Variants in TSHR observed in about 807,000 individuals in gnomAD.
The protein encoded by TSHR is thyroid stimulating hormone receptor.
A neutral mutation model predicts 64.1 loss-of-function variants in TSHR; 51 were observed. That is an observed-to-expected ratio of 0.80 (90% confidence interval 0.64 to 1.01). TSHR has a LOEUF of 1.01. Ranked by LOEUF, TSHR falls within the 50% of genes least tolerant of loss-of-function variation. TSHR has a pLI of 0.00. For synonymous variants in TSHR, 361 were observed against 361.9 expected, an observed-to-expected ratio of 1.00 and a Z score of 0.03; for missense variants, 877 against 942.8, an observed-to-expected ratio of 0.93 and a Z score of 0.91.
chr14:80,979,407 G>T (rs992647210), intron 1 of TSHR, among the ~76,000 whole-genome samples: 3 of 152,256 alleles, frequency 2.0e-5, no homozygotes, highest in African/African-American at 7.2e-5. Flanking sequence ...TGGTCAACAG[G>T]TATAAAGTTA....
chr14:80,957,643 C>T (rs887515283), intron 1 of TSHR, among the ~76,000 whole-genome samples: 2 of 152,130 alleles, frequency 1.3e-5, no homozygotes, highest in Admixed American at 6.5e-5. Flanking sequence ...AAAAGGAACT[C>T]GTAGACATCC....
chr14:80,956,575 T>C (rs1043424902), intron 1 of TSHR, among the ~76,000 whole-genome samples: 1 of 152,320 alleles, frequency 6.6e-6, no homozygotes, highest in African/African-American at 2.4e-5. Flanking sequence ...CAGTGATCAT[T>C]GAAATTGTAG....
At chr14:81,039,338 C>T (rs1884808107) in intron 1 of TSHR, among the ~76,000 whole-genome samples, 1 of 151,732 alleles carries the variant, frequency 6.6e-6, no homozygotes, top group Non-Finnish European at 1.5e-5. Context: ...AGGAACATAC[C>T]TTAACATGAT....
intron 7 of TSHR, among the ~76,000 whole-genome samples, chr14:81,106,802 AG>A (rs1036256565): frequency 1.5e-4 from 23 of 152,080 alleles, no homozygotes; most frequent in African/African-American, 5.3e-4. Context: ...AAAATTAGTC[AG>A]GCATGATGGC....
chr14:81,124,625 T>C (rs1187242989), intron 8 of TSHR, among the ~76,000 whole-genome samples: 1 of 152,184 alleles, frequency 6.6e-6, no homozygotes, highest in Non-Finnish European at 1.5e-5. Flanking sequence ...AATACTGCTA[T>C]ACTGTTTTCC....
At chr14:81,116,941 A>G (rs1453046909) in intron 8 of TSHR, among the ~76,000 whole-genome samples, 2 of 141,180 alleles carry the variant, frequency 1.4e-5, no homozygotes, top group South Asian at 2.5e-4. Flanking sequence ...TACTGGGTAC[A>G]TAACGAAATG....
intron 1 of TSHR, among the ~76,000 whole-genome samples, chr14:80,968,067 C>T (rs1229590304): frequency 1.3e-5 from 2 of 152,266 alleles, no homozygotes; most frequent in South Asian, 2.1e-4. Flanking sequence ...GTTTCCTGTG[C>T]CTGGGTGATG....
chr14:81,001,475 T>C, intron 1 of TSHR: 1 of 508,526 alleles, frequency 2.0e-6, no homozygotes, highest in Admixed American at 2.0e-5. Context: ...CCTGAGAATC[T>C]ACATCTACAC....
intron 1 of TSHR, among the ~76,000 whole-genome samples, chr14:81,058,061 T>A (rs535903743): frequency 1.5e-4 from 23 of 152,360 alleles, no homozygotes; most frequent in African/African-American, 5.3e-4. Context: ...AAAGTTTAAT[T>A]GTACCAACTG....
chr14:81,103,866 C>G lies in TSHR; in HGVS notation c.615-4509C>G, dbSNP rs1889734233. The G allele has an allele frequency of 1.0e-6, 1 of 985,314 alleles. No homozygotes were observed. Among genetic ancestry groups the G allele is most frequent in the African/African-American group, 1.7e-5 (1 of 57,232 alleles). The allele number at this position is 985,314 out of a possible 1,614,324, so 61.0% of individuals were successfully genotyped here. On this transcript the variant is annotated intron_variant, in intron 7 of 9. Coordinates refer to ENST00000298171, the MANE Select transcript of TSHR (RefSeq NM_000369.5). This position sits in a 1 kb window ranked among gnomAD's most constrained non-coding sequence, Gnocchi z 4.1. ...ACTCTAGTAACTAGCTACTATCTGA[C>G]AGTAAACATTTAGGCAGGAATAAAA...
intron 1 of TSHR, chr14:80,982,764 G>A: frequency 1.6e-6 from 1 of 637,198 alleles, no homozygotes; most frequent in Non-Finnish European, 2.6e-6. Context: ...CCTATTCTTT[G>A]CCTGTGGCAA....
At chr14:81,053,626 C>A (rs540812643) in intron 1 of TSHR, 1 of 152,280 alleles carries the variant, frequency 6.6e-6, no homozygotes, top group East Asian at 1.9e-4. Context: ...TATGAGTGAA[C>A]ATGTTACAAT....
chr14:81,102,151 G>A (rs1889624530), intron 7 of TSHR, among the ~76,000 whole-genome samples: 1 of 148,108 alleles, frequency 6.8e-6, no homozygotes, highest in Admixed American at 6.7e-5. Context: ...CAGCCTGGGA[G>A]ACTGAGAGAG....
chr14:81,114,220 G>A (rs1314963768), intron 8 of TSHR, among the ~76,000 whole-genome samples: 13 of 151,940 alleles, frequency 8.6e-5, no homozygotes, highest in African/African-American at 2.4e-4. Context: ...AGCTCCCAGC[G>A]TCAGCGACGC....
intron 1 of TSHR, among the ~76,000 whole-genome samples, chr14:81,048,210 T>C (rs1885263623): frequency 2.0e-5 from 3 of 152,180 alleles, no homozygotes; most frequent in African/African-American, 7.2e-5. Context: ...TAATATCCTT[T>C]AGACTCTGTC....
chr14:81,003,731 A>C (rs1278952561), intron 1 of TSHR: 2 of 152,528 alleles, frequency 1.3e-5, no homozygotes, highest in Admixed American at 6.5e-5. Flanking sequence ...TCTCCCTGAC[A>C]TCCTGCCCCT....
chr14:81,048,808 A>C (rs1005143784), intron 1 of TSHR, among the ~76,000 whole-genome samples: 1 of 152,172 alleles, frequency 6.6e-6, no homozygotes, highest in African/African-American at 2.4e-5. Flanking sequence ...CTTTGATTGA[A>C]TCTACCACCA....
rs965473741 is a variant in TSHR at position 81,145,549 on chromosome 14, C to T, written c.*1196C>T. ...ATTCGTGTTTATATAAAAGAGTAAA[C>T]GATGGTTGCAAATTTTGGCTATTTA... On this transcript the variant is annotated 3_prime_UTR_variant, in exon 10 of 10. Transcript: ENST00000298171. The T allele has an allele frequency of 8.6e-6, 2 of 232,818 alleles. No individual in the cohort carries two copies. The highest frequency in any genetic ancestry group is 1.7e-5 in the Non-Finnish European group (2 of 117,962). The allele number at this position is 232,818 out of a possible 1,614,324, so 14.4% of individuals were successfully genotyped here. A position where few individuals can be genotyped will look rare whatever the true frequency, so the allele number is the denominator to read the frequency against.
At chr14:81,113,934 G>C (rs936896847) in intron 8 of TSHR, among the ~76,000 whole-genome samples, 2 of 152,048 alleles carry the variant, frequency 1.3e-5, no homozygotes, top group East Asian at 1.9e-4. Flanking sequence ...TCATCACCAA[G>C]ACTCAAGGAG....
Sources: allele counts gnomAD v4.1 joint callset (sites outside exome capture counted in the v4.1 genomes callset), GRCh38; gene constraint gnomAD v4.1.1; non-coding constraint Gnocchi (gnomAD v3.1); transcripts MANE v1.5; gene names NCBI Gene and HGNC (gene_info 2026-07-23, HGNC 2026-07-21).